TMEM30A: variants seen among roughly 807,000 people sequenced by gnomAD.
TMEM30A encodes cell division cycle 50 P4-ATPase accessory subunit A.
A neutral mutation model predicts 38.2 loss-of-function variants in TMEM30A; 24 were observed. That is an observed-to-expected ratio of 0.63 (90% confidence interval 0.46 to 0.88). The LOEUF (loss-of-function observed/expected upper bound fraction) is 0.88, where lower values mean the gene tolerates loss of function less well. Among genes scored for constraint, TMEM30A ranks in the 40% least tolerant of loss-of-function variants. TMEM30A has a pLI of 0.00. For missense variants in TMEM30A, 370 were observed against 458.6 expected, an observed-to-expected ratio of 0.81 and a Z score of 1.77; for synonymous variants, 145 against 161.6, an observed-to-expected ratio of 0.90 and a Z score of 0.78.
chr6:75,284,334 A>C, intron 1 of TMEM30A, 68 bp downstream of exon 1: 8 of 1,459,208 alleles, frequency 5.5e-6, no homozygotes, highest in Non-Finnish European at 7.7e-6. Flanking sequence ...CTGGGAAAGA[A>C]GTGGAGTGGG....
chr6:75,259,622 A>G, intron 4 of TMEM30A, 132 bp from the exon 5 acceptor site: 1 of 674,840 alleles, frequency 1.5e-6, no homozygotes, highest in South Asian at 3.1e-5. Context: ...TATGATTCAC[A>G]TTTGTTCTTT....
chr6:75,276,032 CA>C (rs1159206870), intron 1 of TMEM30A, among the ~76,000 whole-genome samples: 1 of 152,138 alleles, frequency 6.6e-6, no homozygotes, highest in Non-Finnish European at 1.5e-5. Context: ...CACCAACGGT[CA>C]ATTATTGAGT....
Position 75,283,661 on chromosome 6 carries a change from AAAAAC to A in TMEM30A, c.237+736_237+740del, listed in dbSNP as rs369577113. On this transcript the variant is annotated intron_variant, in intron 1 of 6. Coordinates refer to ENST00000230461, the MANE Select transcript of TMEM30A (RefSeq NM_018247.4). ...GTCACTGGCTCTTTTTGTAAAAAAA[AAAAAC>A]AAAACAAAACAAGACAAAACAAAAA... Among the ~76,000 whole-genome samples, 108 of 152,156 alleles carry A rather than the reference AAAAAC, an allele frequency of 7.1e-4. No individual in the cohort carries two copies. In the East Asian group the frequency reaches 0.012, roughly 16 times the overall value.
chr6:75,275,349 T>C (rs1772242361), intron 1 of TMEM30A, among the ~76,000 whole-genome samples: 1 of 152,204 alleles, frequency 6.6e-6, no homozygotes, highest in Admixed American at 6.5e-5. Flanking sequence ...TATGTAACTC[T>C]AGTCTCAACC....
At position 75,255,666 on chromosome 6, in the gene TMEM30A, C is replaced by G. The variant is rs141280962; in HGVS notation, c.*436G>C. 147 of 153,756 alleles carry G rather than the reference C, an allele frequency of 9.6e-4. No individual in the cohort carries two copies. The highest frequency in any genetic ancestry group is 6.7e-3 in the Middle Eastern group (2 of 300). The allele number at this position is 153,756 out of a possible 1,614,324, so 9.5% of individuals were successfully genotyped here. A position where few individuals can be genotyped will look rare whatever the true frequency, so the allele number is the denominator to read the frequency against. Reference sequence around the variant, plus strand: ...AGATATGGTCTTTCTTCATCTTTCTCTGAATCCTGAAAGGTTAGCAAGTCA... The same window carrying G: ...AGATATGGTCTTTCTTCATCTTTCTGTGAATCCTGAAAGGTTAGCAAGTCA... On this transcript the variant is annotated 3_prime_UTR_variant, in exon 7 of 7. Transcript: ENST00000230461.
intron 1 of TMEM30A, among the ~76,000 whole-genome samples, chr6:75,279,257 T>C (rs968211718): frequency 6.6e-6 from 1 of 152,192 alleles, no homozygotes; most frequent in Non-Finnish European, 1.5e-5. Flanking sequence ...TAACTCAGCT[T>C]ATGAGTTTTC....
Position 75,254,743 on chromosome 6 carries a change from A to G in TMEM30A, c.*1359T>C, listed in dbSNP as rs1193003832. On this transcript the variant is annotated 3_prime_UTR_variant, in exon 7 of 7. Transcript: ENST00000230461. Reference sequence around the variant, plus strand: ...GTTATTTCAGTAAAAAAACAACAACAAAAAAGCAATTTCAATGTAATTAAG... The same window carrying G: ...GTTATTTCAGTAAAAAAACAACAACGAAAAAGCAATTTCAATGTAATTAAG... 1 of 152,536 alleles carries G rather than the reference A, an allele frequency of 6.6e-6. No homozygotes were observed. Among genetic ancestry groups the G allele is most frequent in the African/African-American group, 2.4e-5 (1 of 41,450 alleles). The allele number at this position is 152,536 out of a possible 1,614,324, so 9.4% of individuals were successfully genotyped here.
intron 6 of TMEM30A, among the ~76,000 whole-genome samples, chr6:75,258,333 T>C (rs1771903775): frequency 6.6e-6 from 1 of 152,176 alleles, no homozygotes; most frequent in Non-Finnish European, 1.5e-5. Flanking sequence ...ATAAAATGTT[T>C]TGATACTACC....
Position 75,267,330 on chromosome 6 carries a change from A to C in TMEM30A, c.345+311T>G, listed in dbSNP as rs1228749261. Among the ~76,000 whole-genome samples the C allele has an allele frequency of 3.3e-5, 5 of 152,356 alleles. No homozygotes were observed. In the East Asian group the frequency reaches 9.6e-4, roughly 29 times the overall value. On this transcript the variant is annotated intron_variant, in intron 2 of 6. Coordinates refer to ENST00000230461, the MANE Select transcript of TMEM30A (RefSeq NM_018247.4). ...AACAATTTGAGCAATAATTTTAAAA[A>C]TACAAGTATATAAAACTTGATAAAA...
At chr6:75,257,485 A>G (rs1366828399) in intron 6 of TMEM30A, among the ~76,000 whole-genome samples, 1 of 152,120 alleles carries the variant, frequency 6.6e-6, no homozygotes. Context: ...ACTTCCCTTC[A>G]TTGTGCCTTA....
intron 2 of TMEM30A, among the ~76,000 whole-genome samples, chr6:75,265,725 TTTTTTTTCTCCCAGAGAC>T (rs1374935959): frequency 1.3e-5 from 2 of 152,064 alleles, no homozygotes; most frequent in African/African-American, 4.8e-5. Flanking sequence ...CTTGTTTCTT[TTTTTTTTCTCCCAGAGAC>T]TAGAGTCTTG....
Position 75,260,897 on chromosome 6 carries a change from T to C in TMEM30A, c.468A>G (p.Glu156=). ...CTTCATTTCTTCGATAAGGTTCACATTCCTTACTGGGATTCTGGTTTTTAC... is the reference window on the plus strand; with the variant it reads ...CTTCATTTCTTCGATAAGGTTCACACTCCTTACTGGGATTCTGGTTTTTAC... The part of the protein sequence containing the change: ...DSSALLNPSK[E]CEPYRRNEDK... Residue 156 remains glutamate, a synonymous_variant, in exon 4 of 7, where the codon GAA becomes GAG. Transcript: ENST00000230461. 2 of 1,599,104 alleles carry C rather than the reference T, an allele frequency of 1.3e-6. No individual in the cohort carries two copies. Among genetic ancestry groups the C allele is most frequent in the Non-Finnish European group, 8.5e-7 (1 of 1,176,598 alleles).
chr6:75,271,964 A>G (rs1313039046), intron 1 of TMEM30A, among the ~76,000 whole-genome samples: 2 of 152,228 alleles, frequency 1.3e-5, no homozygotes, highest in Non-Finnish European at 2.9e-5. Context: ...AGAAAGATGG[A>G]AAAGAGAGAA....
chr6:75,269,539 C>T (rs902060520), intron 1 of TMEM30A, among the ~76,000 whole-genome samples: 2 of 152,172 alleles, frequency 1.3e-5, no homozygotes, highest in Non-Finnish European at 2.9e-5. Context: ...TTGATTTGTT[C>T]ACCTACTGAA....
At chr6:75,265,630 G>A (rs1772055729) in intron 2 of TMEM30A, among the ~76,000 whole-genome samples, 1 of 152,204 alleles carries the variant, frequency 6.6e-6, no homozygotes, top group Non-Finnish European at 1.5e-5. Flanking sequence ...AGCCTACTCT[G>A]AGCTACCTTC....
intron 1 of TMEM30A, among the ~76,000 whole-genome samples, chr6:75,270,192 C>T (rs1317794338): frequency 1.3e-5 from 2 of 152,188 alleles, no homozygotes. Flanking sequence ...TATTGCTCCA[C>T]ATCCTCCCTT....
chr6:75,257,744 A>G (rs2149518076), intron 6 of TMEM30A, among the ~76,000 whole-genome samples: 1 of 152,320 alleles, frequency 6.6e-6, no homozygotes, highest in Admixed American at 6.5e-5. Context: ...AGAATTCAAA[A>G]AAAACCTTAT....
rs1772423537 is a variant in TMEM30A, at chr6:75,284,443, T to C, written c.196A>G (p.Ile66Val). Reference protein sequence around the residue: ...IIGLIFIPIGIGIFVTSNNIR... With the variant: ...IIGLIFIPIGVGIFVTSNNIR... Reference sequence around the variant, plus strand: ...TTGTTGGAGGTGACAAAAATGCCAATGCCGATGGGAATGAAGATGAGACCG... The same window carrying C: ...TTGTTGGAGGTGACAAAAATGCCAACGCCGATGGGAATGAAGATGAGACCG... Residue 66 changes from isoleucine to valine, a missense_variant, in exon 1 of 7, where the codon ATT becomes GTT. Physicochemically the swap from Ile to Val is conservative, Grantham distance 29. Transcript: ENST00000230461. 1.2e-6 allele frequency: 2 copies of C among 1,613,988 alleles called. No homozygotes were observed. Among genetic ancestry groups the C allele is most frequent in the East Asian group, 4.5e-5 (2 of 44,862 alleles).
chr6:75,282,519 A>G (rs979167526), intron 1 of TMEM30A, among the ~76,000 whole-genome samples: 52 of 152,168 alleles, frequency 3.4e-4, no homozygotes, highest in African/African-American at 1.2e-3. Context: ...TTATCTTAAG[A>G]AGTTTAAATA....
Sources: gnomAD v4.1 joint callset for allele counts (sites outside exome capture counted in the v4.1 genomes callset) on GRCh38, gnomAD v4.1.1 for gene constraint, MANE v1.5 for transcripts, NCBI Gene and HGNC (gene_info 2026-07-23, HGNC 2026-07-21) for gene names.